Variants in STK39 observed in about 807,000 individuals in gnomAD.
The protein encoded by STK39 is STE20/SPS1-related proline-alanine-rich protein kinase.
Under a neutral mutation model 77.8 loss-of-function variants are expected in STK39, and 20 were observed. The ratio of observed to expected loss-of-function variants is 0.26; its 90% CI spans 0.18 to 0.37. STK39 has a LOEUF of 0.37. STK39 is among the 10% of genes least tolerant of loss of function. The pLI is 1.00. For missense variants in STK39, 479 were observed against 656.5 expected (o/e 0.73, Z 2.95); for synonymous variants, 246 against 234.1 (o/e 1.05, Z -0.47).
At chr2:168,048,543 A>C (rs1352712060) in intron 14 of STK39, among the ~76,000 whole-genome samples, 1 of 151,888 alleles carries the variant, frequency 6.6e-6, no homozygotes, top group Non-Finnish European at 1.5e-5. Context: ...AGTTCAGGTA[A>C]ATTCATGTTC....
At chr2:168,072,075 T>C (rs114867234) in intron 12 of STK39, among the ~76,000 whole-genome samples, 3,109 of 152,218 alleles carry the variant, frequency 0.02, 107 homozygotes, top group African/African-American at 0.071. Flanking sequence ...TACTATGTGC[T>C]GGGAAATAAA....
intron 10 of STK39, among the ~76,000 whole-genome samples, chr2:168,101,736 T>A (rs2105452075): frequency 6.6e-6 from 1 of 151,960 alleles, no homozygotes; most frequent in African/African-American, 2.4e-5. Flanking sequence ...AGACTCTGTC[T>A]CAAAAAAAAT....
chr2:168,001,281 A>C (rs940222155), intron 16 of STK39, among the ~76,000 whole-genome samples: 3 of 151,868 alleles, frequency 2.0e-5, no homozygotes, highest in Non-Finnish European at 2.9e-5. Flanking sequence ...AAAAAAAAAA[A>C]AAAACAACAA....
intron 1 of STK39, among the ~76,000 whole-genome samples, chr2:168,227,417 C>T (rs1336298621): frequency 1.3e-5 from 2 of 152,180 alleles, no homozygotes; most frequent in Non-Finnish European, 2.9e-5. Flanking sequence ...CCACAAAATT[C>T]AACATTCATA....
chr2:168,115,586 A>G (rs1444024189), intron 10 of STK39, among the ~76,000 whole-genome samples: 1 of 152,220 alleles, frequency 6.6e-6, no homozygotes, highest in Non-Finnish European at 1.5e-5. Flanking sequence ...ATTCTTAATT[A>G]TAGTCATTCT....
chr2:168,126,546 G>A (rs575975647), intron 10 of STK39, among the ~76,000 whole-genome samples: 2 of 152,304 alleles, frequency 1.3e-5, no homozygotes, highest in African/African-American at 4.8e-5. Context: ...AGAATCACAA[G>A]CCAGAGCGGG....
chr2:168,105,706 A>G (rs1301236076), intron 10 of STK39, among the ~76,000 whole-genome samples: 1 of 152,254 alleles, frequency 6.6e-6, no homozygotes, highest in Non-Finnish European at 1.5e-5. Flanking sequence ...TGCACATTTA[A>G]TTGAGATTTT....
intron 14 of STK39, among the ~76,000 whole-genome samples, chr2:168,046,628 G>A (rs953228461): frequency 3.3e-5 from 5 of 152,142 alleles, no homozygotes; most frequent in African/African-American, 1.2e-4. Context: ...GTCCCACAAG[G>A]GTCACTACTG....
chr2:168,191,838 C>G (rs979630604), intron 1 of STK39, among the ~76,000 whole-genome samples: 1 of 152,176 alleles, frequency 6.6e-6, no homozygotes, highest in African/African-American at 2.4e-5. Flanking sequence ...ATGGAAAAGA[C>G]TGAGTTAACA....
intron 1 of STK39, among the ~76,000 whole-genome samples, chr2:168,233,759 C>T (rs1474767589): frequency 6.6e-6 from 1 of 152,138 alleles, no homozygotes; most frequent in Non-Finnish European, 1.5e-5. Context: ...TAATCAGTCC[C>T]TTCTTCATAA....
intron 4 of STK39, among the ~76,000 whole-genome samples, chr2:168,162,115 A>G (rs1372486481): frequency 6.6e-6 from 1 of 151,972 alleles, no homozygotes; most frequent in Non-Finnish European, 1.5e-5. Context: ...GTGAAACCCC[A>G]TCTCTACTAA....
At chr2:168,243,028 A>C (rs1266422127) in intron 1 of STK39, among the ~76,000 whole-genome samples, 1 of 152,214 alleles carries the variant, frequency 6.6e-6, no homozygotes, top group African/African-American at 2.4e-5. Context: ...TAGTATTTTA[A>C]AAACAACAAC....
chr2:167,956,839 T>C (rs901587556), intron 17 of STK39, among the ~76,000 whole-genome samples: 2 of 150,914 alleles, frequency 1.3e-5, no homozygotes, highest in African/African-American at 4.9e-5. Context: ...AAAAGTATGA[T>C]GAATGACTGG....
intron 10 of STK39, among the ~76,000 whole-genome samples, chr2:168,102,879 G>A (rs575628723): frequency 2.9e-5 from 4 of 138,580 alleles, no homozygotes; most frequent in Non-Finnish European, 6.0e-5. Context: ...GTAGTGAGCC[G>A]AGATTGCACC....
At chr2:168,178,540 CT>C (rs1392047651) in intron 2 of STK39, among the ~76,000 whole-genome samples, 1 of 152,224 alleles carries the variant, frequency 6.6e-6, no homozygotes, top group African/African-American at 2.4e-5. Context: ...TTTTGATGGG[CT>C]TAAGCATAAT....
At chr2:168,063,218 GA>G (rs1165033707) in intron 14 of STK39, among the ~76,000 whole-genome samples, 2 of 150,646 alleles carry the variant, frequency 1.3e-5, no homozygotes, top group South Asian at 2.1e-4. Context: ...AAAAGGAAAA[GA>G]AAAAAAAATC....
intron 10 of STK39, among the ~76,000 whole-genome samples, chr2:168,115,413 A>G (rs999858655): frequency 1.3e-5 from 2 of 152,200 alleles, no homozygotes; most frequent in Non-Finnish European, 2.9e-5. Flanking sequence ...ATGTGTCAAT[A>G]ATTATAAACC....
chr2:168,043,651 A>G (rs554299534), intron 14 of STK39, among the ~76,000 whole-genome samples: 1 of 152,340 alleles, frequency 6.6e-6, no homozygotes, highest in South Asian at 2.1e-4. Flanking sequence ...GACCACCAAC[A>G]AAGATGTAGG....
At chr2:168,239,072 A>G (rs1048833873) in intron 1 of STK39, among the ~76,000 whole-genome samples, 20 of 152,162 alleles carry the variant, frequency 1.3e-4, no homozygotes, top group Admixed American at 6.5e-5. Flanking sequence ...TCAGTCCCTT[A>G]TAAGTTATAA....
Sources: gnomAD v4.1 joint callset for allele counts (sites outside exome capture counted in the v4.1 genomes callset) on GRCh38, gnomAD v4.1.1 for gene constraint, MANE v1.5 for transcripts, NCBI Gene and HGNC (gene_info 2026-07-23, HGNC 2026-07-21) for gene names.